The following WDR88 variants were observed in gnomAD, a reference collection of about 807,000 sequenced individuals.
WDR88 encodes the protein WD repeat-containing protein 88.
WDR88 carries 40 observed loss-of-function variants against 46.8 expected under a neutral mutation model. The observed-to-expected ratio is 0.86, with a 90% CI of 0.66 to 1.11. WDR88 has a LOEUF of 1.11. Among genes scored for constraint, WDR88 ranks in the 50% most tolerant of loss-of-function variants. The pLI, the probability that WDR88 is intolerant of heterozygous loss-of-function variation, is 0.00. For missense variants in WDR88, 562 were observed against 602.4 expected (o/e 0.93, Z 0.70); for synonymous variants, 235 against 240.7 (o/e 0.98, Z 0.22).
chr19:33,147,803 G>A, intron 4 of WDR88, 95 bp downstream of exon 4: 1 of 1,075,042 alleles, frequency 9.3e-7, no homozygotes. Context: ...AGGGGGAGGT[G>A]ATAAAACTCC....
intron 7 of WDR88, among the ~76,000 whole-genome samples, chr19:33,159,417 A>G (rs1478056642): frequency 1.3e-5 from 2 of 152,256 alleles, no homozygotes; most frequent in East Asian, 3.9e-4. Context: ...ACAGTGCCGA[A>G]GTGCTGTTTG....
intron 7 of WDR88, among the ~76,000 whole-genome samples, chr19:33,159,003 CTTTT>C (rs1191779146): frequency 6.6e-6 from 1 of 151,944 alleles, no homozygotes; most frequent in African/African-American, 2.4e-5. Flanking sequence ...CCTGGGCTTT[CTTTT>C]GCTTTTTGTT....
intron 3 of WDR88, among the ~76,000 whole-genome samples, chr19:33,147,372 G>A (rs1599890573): frequency 6.6e-6 from 1 of 152,184 alleles, no homozygotes; most frequent in African/African-American, 2.4e-5. Context: ...GGAGGCCGAG[G>A]CAGGTGGATC....
At chr19:33,161,732 A>G (rs560994951) in intron 8 of WDR88, among the ~76,000 whole-genome samples, 20 of 152,270 alleles carry the variant, frequency 1.3e-4, no homozygotes, top group African/African-American at 4.8e-4. Context: ...TGGGAGGCTG[A>G]GGCTGGAGGA....
chr19:33,137,271 T>C (rs1162540447), intron 1 of WDR88, among the ~76,000 whole-genome samples: 5 of 117,442 alleles, frequency 4.3e-5, no homozygotes, highest in Admixed American at 2.7e-4. Context: ...TTTTTTTTTT[T>C]CAGATGGAAT....
At chr19:33,135,332 C>T (rs1171352886) in intron 1 of WDR88, among the ~76,000 whole-genome samples, 3 of 152,192 alleles carry the variant, frequency 2.0e-5, no homozygotes, top group Non-Finnish European at 4.4e-5. Flanking sequence ...CCTTAGCTAA[C>T]GTCCTCAAGG....
At chr19:33,166,708 T>C (rs767825917) in intron 9 of WDR88, among the ~76,000 whole-genome samples, 2 of 151,992 alleles carry the variant, frequency 1.3e-5, no homozygotes, top group Non-Finnish European at 2.9e-5. Flanking sequence ...GCCCAGGGGT[T>C]TGGGACCAGC....
At chr19:33,155,436 C>G (rs1441666473) in intron 6 of WDR88, among the ~76,000 whole-genome samples, 1 of 152,180 alleles carries the variant, frequency 6.6e-6, no homozygotes, top group African/African-American at 2.4e-5. Flanking sequence ...CCACTGCACC[C>G]AGCCAAATAA....
chr19:33,158,811 T>C (rs1293489557), intron 7 of WDR88, among the ~76,000 whole-genome samples: 1 of 152,222 alleles, frequency 6.6e-6, no homozygotes, highest in African/African-American at 2.4e-5. Context: ...GCGATTCTCC[T>C]GCTTCAGCCT....
intron 4 of WDR88, among the ~76,000 whole-genome samples, chr19:33,147,924 G>A (rs1034493956): frequency 6.6e-6 from 1 of 152,102 alleles, no homozygotes; most frequent in Non-Finnish European, 1.5e-5. Flanking sequence ...GGGCACTGGG[G>A]GAGGAAGACT....
intron 9 of WDR88, among the ~76,000 whole-genome samples, chr19:33,170,041 C>A (rs1974012599): frequency 1.3e-5 from 2 of 151,460 alleles, no homozygotes; most frequent in African/African-American, 4.9e-5. Flanking sequence ...CCACGCCTGG[C>A]TAATTTTGTA....
intron 9 of WDR88, among the ~76,000 whole-genome samples, chr19:33,166,282 CAA>C (rs34053341): frequency 0.035 from 1,931 of 55,540 alleles, 51 homozygotes; most frequent in African/African-American, 0.12. Flanking sequence ...GTTGTGGTCT[CAA>C]AAAAAAAAAA....
intron 7 of WDR88, among the ~76,000 whole-genome samples, chr19:33,157,383 A>G (rs1216707636): frequency 6.6e-6 from 1 of 150,928 alleles, no homozygotes; most frequent in Non-Finnish European, 1.5e-5. Flanking sequence ...CTGTAATTCC[A>G]GCTATTCGGG....
intron 6 of WDR88, among the ~76,000 whole-genome samples, chr19:33,151,967 C>G (rs984603667): frequency 6.6e-6 from 1 of 151,924 alleles, no homozygotes; most frequent in Non-Finnish European, 1.5e-5. Flanking sequence ...CTCGGTGGCT[C>G]ATGCCTGTAA....
chr19:33,133,372 AC>A, intron 1 of WDR88, among the ~76,000 whole-genome samples: 1 of 151,930 alleles, frequency 6.6e-6, no homozygotes, highest in East Asian at 1.9e-4. Context: ...ACATGGTGAA[AC>A]CCTTTCTCTA....
Position 33,175,512 on chromosome 19 carries a change from G to GTCA in WDR88, c.1371_1373dup (p.Ser458dup), listed in dbSNP as rs749556824. 3.7e-6 allele frequency: 6 copies of GTCA among 1,614,132 alleles called. No individual in the cohort carries two copies. Among genetic ancestry groups the GTCA allele is most frequent in the Admixed American group, 3.3e-5 (2 of 60,022 alleles). On this transcript the variant is annotated inframe_insertion, in exon 11 of 11. Coordinates refer to ENST00000355868, the MANE Select transcript of WDR88 (RefSeq NM_173479.4). ...GGGGCTTGCCAGCAGATACTTCATC[G>GTCA]TCATCATCATCATCGGAAAGGGAGA...
intron 4 of WDR88, 105 bp from the exon 5 acceptor site, chr19:33,148,667 G>A (rs538601602): frequency 7.2e-7 from 1 of 1,387,008 alleles, no homozygotes. Context: ...TCAGGCTCCT[G>A]GTCTCAAGCG....
intron 10 of WDR88, chr19:33,174,342 G>C: frequency 1.4e-6 from 2 of 1,473,862 alleles, no homozygotes; most frequent in Non-Finnish European, 1.8e-6. Context: ...TCCTGGAGTG[G>C]GCAGAACAGC....
intron 6 of WDR88, among the ~76,000 whole-genome samples, chr19:33,151,949 G>A (rs1375570870): frequency 6.6e-6 from 1 of 151,460 alleles, no homozygotes; most frequent in Non-Finnish European, 1.5e-5. Context: ...AAAAATTTTG[G>A]GGCTGGGCTC....
Sources: gnomAD v4.1 joint callset for allele counts (sites outside exome capture counted in the v4.1 genomes callset) on GRCh38, gnomAD v4.1.1 for gene constraint, MANE v1.5 for transcripts, NCBI Gene and HGNC (gene_info 2026-07-23, HGNC 2026-07-21) for gene names.